The following PLCL1 variants were observed in gnomAD, a reference collection of about 807,000 sequenced individuals.
PLCL1 encodes inactive phospholipase C-like protein 1.
A neutral mutation model predicts 84.4 loss-of-function variants in PLCL1; 41 were observed. The ratio of observed to expected loss-of-function variants is 0.49; its 90% CI spans 0.38 to 0.63. The LOEUF (loss-of-function observed/expected upper bound fraction) is 0.63. PLCL1 is among the 30% of genes least tolerant of loss of function. The pLI, the probability that PLCL1 is intolerant of heterozygous loss-of-function variation, is 0.00. For missense variants in PLCL1, 1,206 were observed against 1,367.8 expected (o/e 0.88, Z 1.87); for synonymous variants, 490 against 488.3 (o/e 1.00, Z -0.05).
chr2:197,912,842 C>G (rs1574945471), intron 1 of PLCL1, among the ~76,000 whole-genome samples: 1 of 138,194 alleles, frequency 7.2e-6, no homozygotes, highest in Non-Finnish European at 1.6e-5. Context: ...GGGAGATATA[C>G]CTAATGCTAG....
At chr2:197,988,053 G>T (rs1161208495) in intron 1 of PLCL1, among the ~76,000 whole-genome samples, 1 of 151,932 alleles carries the variant, frequency 6.6e-6, no homozygotes, top group African/African-American at 2.4e-5. Context: ...CGGTATTGCG[G>T]GTATATACTG....
chr2:198,039,256 T>C (rs567434891), intron 1 of PLCL1, among the ~76,000 whole-genome samples: 1 of 152,168 alleles, frequency 6.6e-6, no homozygotes, highest in Non-Finnish European at 1.5e-5. Flanking sequence ...AGATTCAACA[T>C]GGAAAACATT....
At chr2:197,998,248 G>GTGTGTA (rs1239819164) in intron 1 of PLCL1, among the ~76,000 whole-genome samples, 2 of 151,854 alleles carry the variant, frequency 1.3e-5, no homozygotes, top group African/African-American at 2.4e-5. Flanking sequence ...CTGTGTGCAT[G>GTGTGTA]TGTGTATGTG....
Position 198,088,984 on chromosome 2 carries a change from A to C in PLCL1, c.2842A>C (p.Lys948Gln), listed in dbSNP as rs996685499. 2.5e-6 allele frequency: 4 copies of C among 1,613,834 alleles called. No homozygotes were observed. The African/African-American group carries it at 5.3e-5, about 22-fold the overall frequency. ...DNTPSVSLVM[K>Q]DSFPYLEPLG... is the part of the protein sequence containing the mutation. ...TACTCCTTCAGTCTCACTTGTGATG[A>C]AAGACAGCTTTCCTTACCTGGAGCC... is the stretch of plus-strand genomic sequence containing the variant. The change falls in exon 3 of 6, where the codon AAA (lysine) becomes CAA (glutamine). Residue 948 changes from lysine to glutamine, a missense_variant. Coordinates refer to ENST00000428675, the MANE Select transcript of PLCL1 (RefSeq NM_006226.4).
In PLCL1 at chr2:198,088,869, G is replaced by A; in HGVS notation, c.2727G>A (p.Val909=). The change falls in exon 3 of 6, where the codon GTG becomes GTA. Residue 909 remains valine, a synonymous_variant. Transcript: ENST00000428675. The stretch of plus-strand genomic sequence containing the variant: ...TTTCTTCCTCACAGAATGCAATCGT[G>A]TCTATTAAGGAACTATGTGGACTCC... ...DMRENMQNAI[V]SIKELCGLPP... The A allele has an allele frequency of 6.2e-7, 1 of 1,605,006 alleles. No individual in the cohort carries two copies. The highest frequency in any genetic ancestry group is 8.5e-7 in the Non-Finnish European group (1 of 1,171,714).
chr2:197,844,131 G>T (rs995928107), intron 1 of PLCL1, among the ~76,000 whole-genome samples: 48 of 152,014 alleles, frequency 3.2e-4, no homozygotes, highest in Non-Finnish European at 7.4e-5. Flanking sequence ...ACTTTTATTT[G>T]AAATATATAT....
chr2:197,856,225 C>T (rs748861255), intron 1 of PLCL1, among the ~76,000 whole-genome samples: 6 of 152,122 alleles, frequency 3.9e-5, no homozygotes, highest in East Asian at 1.9e-4. Flanking sequence ...GGTCCAGCCC[C>T]GTAGGTCATA....
intron 1 of PLCL1, among the ~76,000 whole-genome samples, chr2:197,979,675 G>T (rs935411129): frequency 6.6e-6 from 1 of 152,064 alleles, no homozygotes. Flanking sequence ...CCTTCCCCAG[G>T]TTCATCTCTT....
At chr2:197,980,613 A>C (rs1334762185) in intron 1 of PLCL1, among the ~76,000 whole-genome samples, 1 of 152,218 alleles carries the variant, frequency 6.6e-6, no homozygotes, top group Non-Finnish European at 1.5e-5. Context: ...TGATCCATTT[A>C]ATAAATAATG....
intron 1 of PLCL1, among the ~76,000 whole-genome samples, chr2:197,909,424 C>G (rs1014158729): frequency 1.3e-5 from 2 of 151,796 alleles, no homozygotes; most frequent in African/African-American, 4.8e-5. Flanking sequence ...GGACTGGCTG[C>G]GTGTTCTGAG....
At chr2:197,899,634 T>TA (rs1559039357) in intron 1 of PLCL1, among the ~76,000 whole-genome samples, 2 of 75,940 alleles carry the variant, frequency 2.6e-5, no homozygotes, top group East Asian at 2.7e-4. Flanking sequence ...ATGAGTTCTT[T>TA]CTTTCTTTTT....
intron 1 of PLCL1, among the ~76,000 whole-genome samples, chr2:197,859,855 TACAGA>T (rs1404516656): frequency 3.3e-5 from 5 of 152,310 alleles, no homozygotes; most frequent in African/African-American, 1.2e-4. Flanking sequence ...CAGTGCACAT[TACAGA>T]ACAGATCTCT....
intron 3 of PLCL1, among the ~76,000 whole-genome samples, chr2:198,090,335 A>G (rs1692991906): frequency 6.6e-6 from 1 of 151,798 alleles, no homozygotes; most frequent in Non-Finnish European, 1.5e-5. Context: ...CAGGTTATTA[A>G]TAGTGAATGT....
At chr2:197,929,268 G>A (rs1300229247) in intron 1 of PLCL1, among the ~76,000 whole-genome samples, 4 of 152,140 alleles carry the variant, frequency 2.6e-5, no homozygotes, top group East Asian at 1.9e-4. Flanking sequence ...ATGGAGGGCC[G>A]ACTGTAAACG....
intron 1 of PLCL1, among the ~76,000 whole-genome samples, chr2:198,069,672 T>C (rs549876658): frequency 1.3e-5 from 2 of 152,288 alleles, no homozygotes; most frequent in South Asian, 2.1e-4. Flanking sequence ...ATTTAGTTTT[T>C]TGAAAAAATA....
At chr2:197,871,588 G>GGGT (rs1244876837) in intron 1 of PLCL1, among the ~76,000 whole-genome samples, 2 of 152,066 alleles carry the variant, frequency 1.3e-5, no homozygotes, top group African/African-American at 4.8e-5. Context: ...TGTCAGCAAG[G>GGGT]GGTGGTTCCT....
intron 1 of PLCL1, among the ~76,000 whole-genome samples, chr2:197,808,575 C>G (rs752809812): frequency 6.6e-6 from 1 of 152,042 alleles, no homozygotes; most frequent in Admixed American, 6.6e-5. Context: ...AGAGAAAATG[C>G]ATTTTTCACA....
chr2:197,923,441 C>T (rs1293560782), intron 1 of PLCL1, among the ~76,000 whole-genome samples: 45 of 139,110 alleles, frequency 3.2e-4, no homozygotes, highest in African/African-American at 9.1e-4. Context: ...ACTTCTCAGA[C>T]GGGGCGGCCG....
intron 1 of PLCL1, among the ~76,000 whole-genome samples, chr2:197,838,536 TGC>T (rs1691234414): frequency 6.6e-6 from 1 of 152,190 alleles, no homozygotes. Context: ...GAACATAACA[TGC>T]GGTATGCTTT....
Sources: gnomAD v4.1 joint callset for allele counts (sites outside exome capture counted in the v4.1 genomes callset) on GRCh38, gnomAD v4.1.1 for gene constraint, MANE v1.5 for transcripts, NCBI Gene and HGNC (gene_info 2026-07-23, HGNC 2026-07-21) for gene names.